The following HECW1 variants were observed in gnomAD, a reference collection of about 807,000 sequenced individuals.
HECW1 encodes the protein E3 ubiquitin-protein ligase HECW1.
Under a neutral mutation model 182.3 loss-of-function variants are expected in HECW1, and 61 were observed. The ratio of observed to expected loss-of-function variants is 0.33; its 90% CI spans 0.27 to 0.41. HECW1 has a LOEUF of 0.41. Ranked by LOEUF, HECW1 falls within the 10% of genes least tolerant of loss-of-function variation. HECW1 has a pLI of 1.00. For synonymous variants in HECW1, 859 were observed against 832.6 expected (o/e 1.03, Z -0.55); for missense variants, 1,739 against 2,108.9 (o/e 0.82, Z 3.44).
intron 8 of HECW1, among the ~76,000 whole-genome samples, chr7:43,416,504 G>C (rs1396630524): frequency 1.1e-4 from 17 of 152,110 alleles, no homozygotes; most frequent in Admixed American, 9.8e-4. Flanking sequence ...CCTGCCCCCA[G>C]AGGTGGGGCC....
intron 2 of HECW1, among the ~76,000 whole-genome samples, chr7:43,147,928 A>G (rs890183162): frequency 2.0e-5 from 3 of 152,244 alleles, no homozygotes; most frequent in African/African-American, 7.2e-5. Context: ...ATAAAAACTT[A>G]GTACATATTT....
intron 16 of HECW1, among the ~76,000 whole-genome samples, chr7:43,478,062 G>C (rs1384263241): frequency 1.3e-5 from 2 of 152,076 alleles, no homozygotes; most frequent in African/African-American, 4.8e-5. Context: ...TAAATTTAAA[G>C]AACAATGTTG....
intron 5 of HECW1, among the ~76,000 whole-genome samples, chr7:43,328,349 C>A (rs777451629): frequency 6.6e-6 from 1 of 152,096 alleles, no homozygotes; most frequent in Non-Finnish European, 1.5e-5. Context: ...TGTGACTATT[C>A]GTGCAAGGCA....
intron 5 of HECW1, among the ~76,000 whole-genome samples, chr7:43,346,738 T>C (rs1246035447): frequency 6.6e-6 from 1 of 152,242 alleles, no homozygotes; most frequent in African/African-American, 2.4e-5. Context: ...GCACCATTTG[T>C]TGAAAAGGGC....
intron 2 of HECW1, among the ~76,000 whole-genome samples, chr7:43,163,542 G>A (rs903044067): frequency 1.3e-5 from 2 of 152,064 alleles, no homozygotes; most frequent in African/African-American, 4.8e-5. Flanking sequence ...AGGCCAAGTC[G>A]CAGACCATAT....
At chr7:43,295,309 G>T (rs1174771453) in intron 3 of HECW1, among the ~76,000 whole-genome samples, 1 of 151,974 alleles carries the variant, frequency 6.6e-6, no homozygotes, top group Non-Finnish European at 1.5e-5. Flanking sequence ...TGTGAGGGGG[G>T]TATATGGCTT....
chr7:43,386,539 T>C (rs2074804553), intron 6 of HECW1, among the ~76,000 whole-genome samples: 2 of 152,210 alleles, frequency 1.3e-5, no homozygotes, highest in Admixed American at 6.5e-5. Flanking sequence ...TTACCCTACA[T>C]GAGCTGCCAA....
At chr7:43,228,899 A>G (rs1797654976) in intron 2 of HECW1, among the ~76,000 whole-genome samples, 1 of 152,236 alleles carries the variant, frequency 6.6e-6, no homozygotes, top group Admixed American at 6.5e-5. Context: ...AGACAAAAGA[A>G]AAGGAAAAAC....
intron 24 of HECW1, among the ~76,000 whole-genome samples, chr7:43,520,091 G>T (rs757864047): frequency 3.6e-4 from 55 of 152,168 alleles, no homozygotes; most frequent in Admixed American, 8.5e-4. Context: ...ATTATTAGTG[G>T]TAAACAAATG....
chr7:43,219,716 T>A (rs543391465), intron 2 of HECW1, among the ~76,000 whole-genome samples: 66 of 152,332 alleles, frequency 4.3e-4, no homozygotes, highest in Non-Finnish European at 8.5e-4. Context: ...AATCTATAGA[T>A]AACATAATTG....
intron 2 of HECW1, among the ~76,000 whole-genome samples, chr7:43,223,155 A>G (rs892515170): frequency 2.6e-5 from 4 of 152,232 alleles, no homozygotes; most frequent in African/African-American, 9.6e-5. Flanking sequence ...TCAGTTTAGC[A>G]GCAGATCCTT....
intron 3 of HECW1, among the ~76,000 whole-genome samples, chr7:43,277,514 C>T (rs934436826): frequency 1.3e-5 from 2 of 152,188 alleles, no homozygotes; most frequent in Admixed American, 1.3e-4. Flanking sequence ...GAACCCATGA[C>T]TGTATTCTCC....
At chr7:43,549,725 G>A (rs1477979603) in intron 26 of HECW1, among the ~76,000 whole-genome samples, 1 of 152,100 alleles carries the variant, frequency 6.6e-6, no homozygotes, top group Non-Finnish European at 1.5e-5. Context: ...CCAGGGTCAG[G>A]CTGCCCTGGC....
chr7:43,128,382 A>G (rs1302845892), intron 2 of HECW1, among the ~76,000 whole-genome samples: 1 of 152,182 alleles, frequency 6.6e-6, no homozygotes, highest in Non-Finnish European at 1.5e-5. Flanking sequence ...GCCCTTAAGA[A>G]TTATGCTAAA....
intron 19 of HECW1, among the ~76,000 whole-genome samples, chr7:43,497,103 G>A (rs1205450333): frequency 6.6e-6 from 1 of 152,194 alleles, no homozygotes; most frequent in African/African-American, 2.4e-5. Flanking sequence ...ATATGCTGGT[G>A]CAGAGGAAGA....
chr7:43,311,920 C>T lies in HECW1; in HGVS notation c.185C>T (p.Thr62Ile). 3 of 1,614,236 alleles carry T rather than the reference C, an allele frequency of 1.9e-6. No homozygotes were observed. Among genetic ancestry groups the T allele is most frequent in the Non-Finnish European group, 2.5e-6 (3 of 1,180,054 alleles). Residue 62 changes from threonine (T) to isoleucine (I), a missense_variant, in exon 4 of 30, where the codon ACC (threonine) becomes ATC (isoleucine). Physicochemically the swap from Thr to Ile is moderately conservative, Grantham distance 89 (BLOSUM62 -1). This residue lies in a region of HECW1 where 279 missense variants were observed against 353.1 expected (regional missense o/e 0.79). Coordinates refer to ENST00000395891, the MANE Select transcript of HECW1 (RefSeq NM_015052.5). ...AGGGGCGGCCCCCACGATGGCGTCA[C>T]CATTCCCCGCTCCACCAGCGACACT... is the stretch of plus-strand genomic sequence containing the variant. ...DLRGGPHDGV[T>I]IPRSTSDTDL...
At chr7:43,433,531 A>G (rs1374717733) in intron 8 of HECW1, among the ~76,000 whole-genome samples, 3 of 152,264 alleles carry the variant, frequency 2.0e-5, no homozygotes, top group Non-Finnish European at 2.9e-5. Flanking sequence ...GCGCTTAAAC[A>G]AAAGAAAGTT....
chr7:43,404,860 C>T (rs935033720), intron 7 of HECW1, among the ~76,000 whole-genome samples: 3 of 152,084 alleles, frequency 2.0e-5, no homozygotes, highest in Admixed American at 6.5e-5. Flanking sequence ...CCTGTAATCC[C>T]AGCTACTCGG....
At chr7:43,511,310 A>G (rs1307673725) in intron 24 of HECW1, 1 of 152,190 alleles carries the variant, frequency 6.6e-6, no homozygotes, top group East Asian at 1.9e-4. Flanking sequence ...CCGACTAGCA[A>G]TCTAAACTGA....
Sources: allele counts gnomAD v4.1 joint callset (sites outside exome capture counted in the v4.1 genomes callset), GRCh38; gene constraint gnomAD v4.1.1; regional missense constraint gnomAD v4.1.1; transcripts MANE v1.5; gene names NCBI Gene and HGNC (gene_info 2026-07-23, HGNC 2026-07-21).